Variants in GRIP1 observed in about 807,000 individuals in gnomAD.
GRIP1 encodes glutamate receptor-interacting protein 1.
A neutral mutation model predicts 129.9 loss-of-function variants in GRIP1; 45 were observed. The observed-to-expected ratio is 0.35, with a 90% confidence interval of 0.27 to 0.44. The LOEUF is 0.44. Among genes scored for constraint, GRIP1 ranks in the 20% least tolerant of loss-of-function variants. The pLI is 1.00. For missense variants in GRIP1, 1,196 were observed against 1,396.8 expected (o/e 0.86, Z 2.29); for synonymous variants, 530 against 520.8 (o/e 1.02, Z -0.24).
intron 1 of GRIP1, among the ~76,000 whole-genome samples, chr12:66,898,476 T>A (rs1180197512): frequency 6.6e-6 from 1 of 152,180 alleles, no homozygotes; most frequent in African/African-American, 2.4e-5. Flanking sequence ...CCAACTCCTT[T>A]AACCTTTTGT....
At chr12:66,889,366 C>A (rs149445285) in intron 1 of GRIP1, among the ~76,000 whole-genome samples, 3,574 of 152,188 alleles carry the variant, frequency 0.023, 67 homozygotes, top group Middle Eastern at 0.058. Context: ...GAGGCTGAGG[C>A]AGGAGAATCA....
intron 1 of GRIP1, among the ~76,000 whole-genome samples, chr12:66,841,660 T>C (rs2039718878): frequency 6.6e-6 from 1 of 152,070 alleles, no homozygotes; most frequent in Admixed American, 6.5e-5. Context: ...AAGTCTCAAG[T>C]GGGGTTTCAT....
At chr12:66,443,604 G>A (rs1359432668) in intron 13 of GRIP1, among the ~76,000 whole-genome samples, 4 of 151,868 alleles carry the variant, frequency 2.6e-5, no homozygotes, top group African/African-American at 7.3e-5. Flanking sequence ...ATAGGTGCCC[G>A]CCACCATGCC....
intron 1 of GRIP1, among the ~76,000 whole-genome samples, chr12:66,774,026 T>TA (rs534892189): frequency 3.5e-4 from 51 of 146,118 alleles, no homozygotes; most frequent in South Asian, 8.7e-4. Flanking sequence ...AGATGGGAGT[T>TA]AAAAAAAAAA....
intron 1 of GRIP1, among the ~76,000 whole-genome samples, chr12:66,741,964 A>T (rs1450068214): frequency 6.6e-6 from 1 of 152,000 alleles, no homozygotes; most frequent in Non-Finnish European, 1.5e-5. Context: ...CCAATTCTTC[A>T]CTCAACTCAT....
intron 13 of GRIP1, among the ~76,000 whole-genome samples, chr12:66,433,426 A>C (rs1203751202): frequency 6.6e-6 from 1 of 152,150 alleles, no homozygotes; most frequent in Non-Finnish European, 1.5e-5. Context: ...TCCAGAGAGG[A>C]TCACAGGGCA....
At chr12:66,638,106 T>C (rs2031576873) in intron 1 of GRIP1, among the ~76,000 whole-genome samples, 1 of 152,206 alleles carries the variant, frequency 6.6e-6, no homozygotes, top group Non-Finnish European at 1.5e-5. Flanking sequence ...CAACTTTCCC[T>C]CTCAGAATGA....
intron 1 of GRIP1, among the ~76,000 whole-genome samples, chr12:66,754,307 G>T (rs544749325): frequency 6.6e-6 from 1 of 152,276 alleles, no homozygotes; most frequent in South Asian, 2.1e-4. Context: ...TATAGTCTAT[G>T]TTATCAAAAA....
At chr12:66,936,235 CAT>C (rs1311862718) in intron 1 of GRIP1, among the ~76,000 whole-genome samples, 2 of 152,022 alleles carry the variant, frequency 1.3e-5, no homozygotes, top group Admixed American at 6.6e-5. Flanking sequence ...GCCTGGGCAA[CAT>C]AGTGAGACCT....
chr12:66,753,004 A>G (rs1162639179), intron 1 of GRIP1, among the ~76,000 whole-genome samples: 1 of 152,176 alleles, frequency 6.6e-6, no homozygotes, highest in Non-Finnish European at 1.5e-5. Context: ...AGGGCATTTA[A>G]GATCTTCTAT....
intron 2 of GRIP1, among the ~76,000 whole-genome samples, chr12:66,582,667 G>T (rs895534792): frequency 1.1e-4 from 15 of 139,862 alleles, no homozygotes; most frequent in African/African-American, 2.9e-4. Flanking sequence ...TTGCTTCAAA[G>T]AGAGTAAAAT....
chr12:66,763,780 G>A (rs774628174), intron 1 of GRIP1, among the ~76,000 whole-genome samples: 8 of 152,044 alleles, frequency 5.3e-5, no homozygotes, highest in South Asian at 2.1e-4. Flanking sequence ...ACCTAAAACC[G>A]GATAATAATT....
At chr12:66,423,496 T>G (rs1001035131) in intron 14 of GRIP1, among the ~76,000 whole-genome samples, 3 of 152,230 alleles carry the variant, frequency 2.0e-5, no homozygotes, top group African/African-American at 7.2e-5. Flanking sequence ...CATGAAAGCT[T>G]CTGAGTTTGT....
rs1343544838 is a variant in GRIP1 at position 66,930,051 on chromosome 12, CTCTCT to C, written c.58+138994_58+138998del. 5.4e-3 allele frequency among the ~76,000 whole-genome samples: 691 copies of C among 129,078 alleles called. 5 individuals carry two copies. Among genetic ancestry groups the C allele is most frequent in the African/African-American group, 0.017 (584 of 34,464 alleles). The allele number at this position is 129,078 out of a possible 152,430, so 84.7% of individuals were successfully genotyped here. Reference sequence around the variant, plus strand: ...CCAGTTACCCAGGTTCTCTCTCTCTCTCTCTTTTTTTTTTTTTTTACGTCAATGCA... The same window carrying C: ...CCAGTTACCCAGGTTCTCTCTCTCTCTTTTTTTTTTTTTTACGTCAATGCA... On this transcript the variant is annotated intron_variant, in intron 1 of 1. Coordinates refer to the GRIP1 transcript ENST00000643019.
At chr12:66,846,798 G>A (rs940303210) in intron 1 of GRIP1, among the ~76,000 whole-genome samples, 2 of 152,164 alleles carry the variant, frequency 1.3e-5, no homozygotes, top group Non-Finnish European at 2.9e-5. Context: ...GGGGCCATGT[G>A]GGGAAACACC....
intron 23 of GRIP1, among the ~76,000 whole-genome samples, chr12:66,354,062 A>G (rs1249819242): frequency 2.0e-5 from 3 of 152,054 alleles, no homozygotes; most frequent in Non-Finnish European, 4.4e-5. Flanking sequence ...TTGCTCTGGA[A>G]CCCCCAATGA....
chr12:66,471,985 G>A (rs2059452137), intron 7 of GRIP1, among the ~76,000 whole-genome samples: 1 of 152,128 alleles, frequency 6.6e-6, no homozygotes, highest in African/African-American at 2.4e-5. Flanking sequence ...AAAGAAGCTG[G>A]ATATTAGACA....
At chr12:66,778,487 T>C (rs759833301) in intron 1 of GRIP1, among the ~76,000 whole-genome samples, 1 of 152,108 alleles carries the variant, frequency 6.6e-6, no homozygotes, top group Non-Finnish European at 1.5e-5. Flanking sequence ...ACGTAAACCA[T>C]ATAATGGTAC....
At chr12:66,506,252 G>T (rs1296256534) in intron 7 of GRIP1, among the ~76,000 whole-genome samples, 1 of 152,136 alleles carries the variant, frequency 6.6e-6, no homozygotes, top group East Asian at 1.9e-4. Context: ...GTTCACAATA[G>T]TATTATTTAT....
Sources: allele counts gnomAD v4.1 joint callset (sites outside exome capture counted in the v4.1 genomes callset), GRCh38; gene constraint gnomAD v4.1.1; transcripts MANE v1.5; gene names NCBI Gene and HGNC (gene_info 2026-07-23, HGNC 2026-07-21).